The following HPSE2 variants were observed in gnomAD, a reference collection of about 807,000 sequenced individuals.
The protein encoded by HPSE2 is inactive heparanase-2.
Under a neutral mutation model 60.5 loss-of-function variants are expected in HPSE2, and 38 were observed. The ratio of observed to expected loss-of-function variants is 0.63; its 90% CI spans 0.48 to 0.82. The LOEUF (loss-of-function observed/expected upper bound fraction) is 0.82. HPSE2 is among the 40% of genes least tolerant of loss of function. HPSE2 has a pLI of 0.00. For synonymous variants in HPSE2, 295 were observed against 293.2 expected, an observed-to-expected ratio of 1.01 and a Z score of -0.06; for missense variants, 713 against 740.4, an observed-to-expected ratio of 0.96 and a Z score of 0.43.
At chr10:99,264,191 C>A in the HPSE2 span, among the ~76,000 whole-genome samples, 1 of 151,606 alleles carries the variant, frequency 6.6e-6, no homozygotes, top group African/African-American at 2.4e-5. Context: ...GGATTCACAC[C>A]ATTCTCCTGC....
intron 2 of HPSE2, among the ~76,000 whole-genome samples, chr10:99,216,918 T>C (rs1849149219): frequency 6.6e-6 from 1 of 152,140 alleles, no homozygotes; most frequent in Non-Finnish European, 1.5e-5. Context: ...TCCTAACAGA[T>C]TAAAACACCT....
chr10:98,593,098 A>G (rs551326376), intron 9 of HPSE2, among the ~76,000 whole-genome samples: 10 of 152,364 alleles, frequency 6.6e-5, no homozygotes, highest in African/African-American at 2.2e-4. Flanking sequence ...TAGGTACAAT[A>G]AGTCATAATA....
intron 8 of HPSE2, among the ~76,000 whole-genome samples, chr10:98,619,422 A>T (rs10748747): frequency 0.57 from 86,948 of 151,794 alleles, 25,502 homozygotes; most frequent in Non-Finnish European, 0.65. Flanking sequence ...TTCCTTCCCA[A>T]CTCTTGTGAC....
At chr10:98,678,164 T>C (rs373522654) in intron 6 of HPSE2, among the ~76,000 whole-genome samples, 80 of 152,296 alleles carry the variant, frequency 5.3e-4, no homozygotes, top group African/African-American at 1.9e-3. Flanking sequence ...GAAAAATGTA[T>C]TGAAAATTAG....
At chr10:99,213,542 C>T (rs1001736371) in intron 2 of HPSE2, among the ~76,000 whole-genome samples, 3 of 151,904 alleles carry the variant, frequency 2.0e-5, no homozygotes, top group Non-Finnish European at 4.4e-5. Context: ...CAGTTTGAGG[C>T]ATATATCTTA....
intron 3 of HPSE2, among the ~76,000 whole-genome samples, chr10:98,904,900 G>C: frequency 6.6e-6 from 1 of 152,140 alleles, no homozygotes. Flanking sequence ...TAATATACCA[G>C]AGTGAATAGT....
At chr10:99,140,205 T>C (rs969918905) in intron 3 of HPSE2, among the ~76,000 whole-genome samples, 11 of 152,224 alleles carry the variant, frequency 7.2e-5, no homozygotes, top group African/African-American at 2.7e-4. Flanking sequence ...TGGAAGTCTC[T>C]TTTGCTTAAT....
chr10:98,614,913 G>A lies in HPSE2; in HGVS notation c.1311C>T (p.Asn437=), dbSNP rs757042500. ...TTTATCCCACACTTACTGGTAATGGGTTAAAATTCTGGTCCACGAGGTGAT... is the reference window on the plus strand; with the variant it reads ...TTTATCCCACACTTACTGGTAATGGATTAAAATTCTGGTCCACGAGGTGAT... ...GYNHLVDQNF[N]PLPDYWLSLL... is the part of the protein sequence containing the mutation. The change falls in exon 9 of 12, where the codon AAC becomes AAT. Residue 437 remains asparagine, a synonymous_variant. Transcript: ENST00000370552. 1 of 1,608,846 alleles carries A rather than the reference G, an allele frequency of 6.2e-7. No individual in the cohort carries two copies. The highest frequency in any genetic ancestry group is 1.3e-5 in the African/African-American group (1 of 74,816).
chr10:98,482,914 C>T, intron 10 of HPSE2, 132 bp from the exon 11 acceptor site: 1 of 869,706 alleles, frequency 1.1e-6, no homozygotes, highest in South Asian at 1.5e-5. Context: ...CCACCATAGA[C>T]CCTAAAAGAA....
chr10:98,761,074 G>C (rs1374920689), intron 3 of HPSE2, among the ~76,000 whole-genome samples: 10 of 152,092 alleles, frequency 6.6e-5, no homozygotes, highest in African/African-American at 2.2e-4. Context: ...TCTCCATTTT[G>C]TCTAGGTTAT....
chr10:98,498,145 C>T (rs964393656), intron 9 of HPSE2, among the ~76,000 whole-genome samples: 7 of 152,142 alleles, frequency 4.6e-5, no homozygotes, highest in South Asian at 4.1e-4. Context: ...AAGCAGCATG[C>T]GGAGGCTCGC....
chr10:99,213,787 C>T (rs937140091), intron 2 of HPSE2, among the ~76,000 whole-genome samples: 1 of 152,152 alleles, frequency 6.6e-6, no homozygotes, highest in African/African-American at 2.4e-5. Flanking sequence ...GTCTGAGCCT[C>T]AATTTCCTCT....
intron 3 of HPSE2, among the ~76,000 whole-genome samples, chr10:98,744,627 T>G (rs368248302): frequency 1.3e-5 from 2 of 152,062 alleles, no homozygotes; most frequent in East Asian, 3.9e-4. Context: ...ATCTAGTCCA[T>G]CATATGTTTT....
chr10:98,888,019 T>C (rs1953217429), intron 3 of HPSE2, among the ~76,000 whole-genome samples: 2 of 151,906 alleles, frequency 1.3e-5, no homozygotes, highest in South Asian at 4.1e-4. Context: ...CTATAGTCAA[T>C]AATAATTGTA....
At chr10:99,221,346 G>C (rs995193058) in intron 2 of HPSE2, among the ~76,000 whole-genome samples, 4 of 152,072 alleles carry the variant, frequency 2.6e-5, no homozygotes, top group African/African-American at 9.7e-5. Flanking sequence ...ACTTACTGAA[G>C]AGCTACTACA....
intron 5 of HPSE2, among the ~76,000 whole-genome samples, chr10:98,721,150 T>C (rs1948913046): frequency 1.3e-5 from 2 of 152,116 alleles, no homozygotes; most frequent in South Asian, 2.1e-4. Flanking sequence ...GATTGTCAGA[T>C]TCAGTCAAAA....
intron 3 of HPSE2, among the ~76,000 whole-genome samples, chr10:98,830,578 A>G (rs1235358601): frequency 6.6e-6 from 1 of 152,200 alleles, no homozygotes; most frequent in Non-Finnish European, 1.5e-5. Context: ...CTTGATAGCT[A>G]CTAAGTCTAA....
chr10:99,305,993 A>G, the HPSE2 span, among the ~76,000 whole-genome samples: 1 of 149,160 alleles, frequency 6.7e-6, no homozygotes, highest in Non-Finnish European at 1.5e-5. Context: ...ACACACACAC[A>G]CACACACACA....
At chr10:98,772,742 G>A (rs1017040965) in intron 3 of HPSE2, among the ~76,000 whole-genome samples, 19 of 152,252 alleles carry the variant, frequency 1.2e-4, no homozygotes, top group African/African-American at 4.6e-4. Context: ...GAATGGTTAT[G>A]AAAAATAAGG....
Sources: gnomAD v4.1 joint callset for allele counts (sites outside exome capture counted in the v4.1 genomes callset) on GRCh38, gnomAD v4.1.1 for gene constraint, MANE v1.5 for transcripts, NCBI Gene and HGNC (gene_info 2026-07-23, HGNC 2026-07-21) for gene names.